HDAC4: variants seen among roughly 807,000 people sequenced by gnomAD.
HDAC4 encodes the protein histone deacetylase 4.
In HDAC4, 16 loss-of-function variants were observed where a neutral mutation model predicts 135.1. The observed-to-expected ratio is 0.12, with a 90% CI of 0.08 to 0.18. HDAC4 has a LOEUF of 0.18. HDAC4 is among the 10% of genes least tolerant of loss of function. HDAC4 has a pLI of 1.00. For synonymous variants in HDAC4, 685 were observed against 653.4 expected (o/e 1.05, Z -0.74); for missense variants, 1,143 against 1,511.8 (o/e 0.76, Z 4.05).
intron 2 of HDAC4, among the ~76,000 whole-genome samples, chr2:239,251,849 C>T (rs969085046): frequency 6.6e-6 from 1 of 152,104 alleles, no homozygotes; most frequent in Admixed American, 6.5e-5. Context: ...GCAGGTGTAC[C>T]ATGTGCAGAA....
intron 2 of HDAC4, among the ~76,000 whole-genome samples, chr2:239,322,959 G>A (rs1294112410): frequency 6.6e-6 from 1 of 152,142 alleles, no homozygotes; most frequent in Non-Finnish European, 1.5e-5. Flanking sequence ...TGCCATAGTG[G>A]GTGGGGTGCA....
At position 239,262,561 on chromosome 2, in the gene HDAC4, G is replaced by T. The variant is rs960684738; in HGVS notation, c.23-25897C>A. 4.6e-5 allele frequency among the ~76,000 whole-genome samples: 7 copies of T among 152,174 alleles called. No homozygotes were observed. The highest frequency in any genetic ancestry group is 1.4e-4 in the African/African-American group (6 of 41,426). On this transcript the variant is annotated intron_variant, in intron 2 of 26. Coordinates refer to ENST00000543185, the MANE Select transcript of HDAC4 (RefSeq NM_001378414.1). This position sits in a 1 kb window ranked among gnomAD's most constrained non-coding sequence, Gnocchi z 4.1. ...GGCAAGACTGATCTCTACTCTGAGGGGGCCAGAGCCTGGCTCTGACACTCT... is the reference window on the plus strand; with the variant it reads ...GGCAAGACTGATCTCTACTCTGAGGTGGCCAGAGCCTGGCTCTGACACTCT...
intron 3 of HDAC4, among the ~76,000 whole-genome samples, chr2:239,205,641 C>G (rs912180301): frequency 4.6e-5 from 7 of 151,532 alleles, no homozygotes; most frequent in African/African-American, 1.7e-4. Context: ...GAAATCTAAA[C>G]AGACTTCATC....
intron 22 of HDAC4, among the ~76,000 whole-genome samples, chr2:239,071,635 G>A (rs191540978): frequency 7.9e-5 from 12 of 152,144 alleles, no homozygotes; most frequent in East Asian, 7.7e-4. Flanking sequence ...TCTGGCTCTC[G>A]GTAGCCGGTG....
intron 3 of HDAC4, among the ~76,000 whole-genome samples, chr2:239,219,345 CATT>C (rs1374569688): frequency 6.6e-6 from 1 of 152,038 alleles, no homozygotes; most frequent in Admixed American, 6.6e-5. Context: ...TGGAAATCAT[CATT>C]CTCAGTAAAC....
At chr2:239,078,750 G>A (rs1207130613) in intron 22 of HDAC4, among the ~76,000 whole-genome samples, 2 of 152,148 alleles carry the variant, frequency 1.3e-5, no homozygotes, top group African/African-American at 4.8e-5. Context: ...TGCTGCTTTG[G>A]GCCTGGGCTT....
intron 22 of HDAC4, among the ~76,000 whole-genome samples, chr2:239,075,516 G>A (rs2034653556): frequency 6.6e-6 from 1 of 152,162 alleles, no homozygotes; most frequent in East Asian, 1.9e-4. Flanking sequence ...CCCTGGGGCC[G>A]GCAAGCCCAG....
intron 2 of HDAC4, among the ~76,000 whole-genome samples, chr2:239,242,984 A>G (rs2048272820): frequency 6.6e-6 from 1 of 152,096 alleles, no homozygotes; most frequent in Non-Finnish European, 1.5e-5. Flanking sequence ...GGTCAGGCCC[A>G]GGGGGTTTTT....
chr2:239,098,929 G>A (rs1478976272), intron 16 of HDAC4, among the ~76,000 whole-genome samples: 1 of 152,168 alleles, frequency 6.6e-6, no homozygotes, highest in African/African-American at 2.4e-5. Flanking sequence ...AAAGCACAAA[G>A]CTTTCCAGGA....
At chr2:239,284,423 C>T (rs551881932) in intron 2 of HDAC4, among the ~76,000 whole-genome samples, 1 of 152,288 alleles carries the variant, frequency 6.6e-6, no homozygotes, top group South Asian at 2.1e-4. Flanking sequence ...GGGGACCCTC[C>T]GCGGGGCCTC....
intron 2 of HDAC4, among the ~76,000 whole-genome samples, chr2:239,253,810 A>G (rs1431162465): frequency 1.3e-5 from 2 of 152,174 alleles, no homozygotes; most frequent in Non-Finnish European, 2.9e-5. Context: ...CTGGGGCCCA[A>G]GAGTCATCAG....
chr2:239,222,765 G>C (rs1056645713), intron 3 of HDAC4, among the ~76,000 whole-genome samples: 1 of 151,516 alleles, frequency 6.6e-6, no homozygotes, highest in African/African-American at 2.4e-5. Flanking sequence ...TTTCAGGACT[G>C]AGCACGAATT....
At chr2:239,385,559 G>C (rs1277744321) in intron 1 of HDAC4, among the ~76,000 whole-genome samples, 13 of 152,230 alleles carry the variant, frequency 8.5e-5, no homozygotes, top group Non-Finnish European at 1.9e-4. Context: ...CCCCCTGCCT[G>C]CCTGTGCCAG....
intron 22 of HDAC4, among the ~76,000 whole-genome samples, chr2:239,079,467 G>A (rs183286085): frequency 6.4e-4 from 97 of 152,288 alleles, no homozygotes; most frequent in Middle Eastern, 3.4e-3. Context: ...GGGGAGGGGG[G>A]CCCACGTGTC....
intron 6 of HDAC4, among the ~76,000 whole-genome samples, chr2:239,158,925 C>T (rs747729452): frequency 4.3e-4 from 65 of 152,038 alleles, no homozygotes; most frequent in African/African-American, 8.9e-4. Flanking sequence ...CACTCACATC[C>T]GCACATCACA....
At position 239,139,431 on chromosome 2, in the gene HDAC4, G is replaced by A. The variant is rs1235420111; in HGVS notation, c.978+253C>T. Among the ~76,000 whole-genome samples the A allele has an allele frequency of 6.6e-6, 1 of 152,112 alleles. No individual in the cohort carries two copies. Among genetic ancestry groups the A allele is most frequent in the Non-Finnish European group, 1.5e-5 (1 of 68,036 alleles). On this transcript the variant is annotated intron_variant, in intron 9 of 26. Transcript: ENST00000543185. This position sits in a 1 kb window ranked among gnomAD's most constrained non-coding sequence, Gnocchi z 5.3. ...TGCTCTGGAAGAGGTCAGGAGAAAG[G>A]ACCAGGCTCAGGGCTGTCCCCGACG...
At chr2:239,373,053 C>T (rs1694746427) in intron 1 of HDAC4, among the ~76,000 whole-genome samples, 1 of 152,206 alleles carries the variant, frequency 6.6e-6, no homozygotes, top group Non-Finnish European at 1.5e-5. Context: ...CTGCAAGAGA[C>T]TGCCGGGTGC....
Position 239,313,378 on chromosome 2 carries a change from C to T in HDAC4, c.22+39300G>A, listed in dbSNP as rs573017813. Among the ~76,000 whole-genome samples, 4 of 152,270 alleles carry T rather than the reference C, an allele frequency of 2.6e-5. No homozygotes were observed. The highest frequency in any genetic ancestry group is 1.9e-4 in the East Asian group (1 of 5,168). On this transcript the variant is annotated intron_variant, in intron 2 of 26. Coordinates refer to ENST00000543185, the MANE Select transcript of HDAC4 (RefSeq NM_001378414.1). This position sits in a 1 kb window ranked among gnomAD's most constrained non-coding sequence, Gnocchi z 5.1. Reference sequence around the variant, plus strand: ...CCAAGGGACACTCACTTGCTGGAAACGGCCTCCTCCCCAAAGAGTGTGAGG... The same window carrying T: ...CCAAGGGACACTCACTTGCTGGAAATGGCCTCCTCCCCAAAGAGTGTGAGG...
intron 23 of HDAC4, among the ~76,000 whole-genome samples, chr2:239,067,846 C>T (rs370849611): frequency 6.6e-6 from 1 of 152,326 alleles, no homozygotes; most frequent in African/African-American, 2.4e-5. Context: ...AGGGCATCAC[C>T]AGGGCTAGGA....
Sources: allele counts gnomAD v4.1 joint callset (sites outside exome capture counted in the v4.1 genomes callset), GRCh38; gene constraint gnomAD v4.1.1; non-coding constraint Gnocchi (gnomAD v3.1); transcripts MANE v1.5; gene names NCBI Gene and HGNC (gene_info 2026-07-23, HGNC 2026-07-21).